Variants in PTPRM observed in about 807,000 individuals in gnomAD.
PTPRM encodes the protein receptor-type tyrosine-protein phosphatase mu.
A neutral mutation model predicts 186.7 loss-of-function variants in PTPRM; 47 were observed. The observed-to-expected ratio is 0.25, with a 90% CI of 0.20 to 0.32. PTPRM has a LOEUF of 0.32. PTPRM is among the 10% of genes least tolerant of loss of function. The pLI is 1.00. For missense variants in PTPRM, 1,494 were observed against 1,865.0 expected (o/e 0.80, Z 3.66); for synonymous variants, 668 against 674.9 (o/e 0.99, Z 0.16).
chr18:8,139,696 C>T (rs2146064611), intron 13 of PTPRM, among the ~76,000 whole-genome samples: 1 of 152,240 alleles, frequency 6.6e-6, no homozygotes, highest in South Asian at 2.1e-4. Context: ...GTCACTCTCC[C>T]ACTCCCTTTC....
intron 20 of PTPRM, among the ~76,000 whole-genome samples, chr18:8,297,735 G>T (rs1437859743): frequency 6.6e-6 from 1 of 152,176 alleles, no homozygotes; most frequent in East Asian, 1.9e-4. Flanking sequence ...GGGTAGAGTG[G>T]AGCTTACATA....
chr18:8,191,077 T>G (rs150559635), intron 14 of PTPRM, among the ~76,000 whole-genome samples: 31 of 152,224 alleles, frequency 2.0e-4, no homozygotes, highest in African/African-American at 7.0e-4. Context: ...AAGAAGGGGT[T>G]GGAGGAATGG....
chr18:7,702,375 T>C (rs1362531622), intron 1 of PTPRM, among the ~76,000 whole-genome samples: 1 of 152,218 alleles, frequency 6.6e-6, no homozygotes, highest in Non-Finnish European at 1.5e-5. Flanking sequence ...TTTTTAATGA[T>C]AGCCATTCTA....
chr18:7,661,349 G>A (rs1380846022), intron 1 of PTPRM, among the ~76,000 whole-genome samples: 1 of 152,190 alleles, frequency 6.6e-6, no homozygotes, highest in African/African-American at 2.4e-5. Flanking sequence ...TTTGTTTCTT[G>A]TGTCAGCTGC....
At position 7,989,919 on chromosome 18, in the gene PTPRM, C is replaced by G. The variant is rs141133304; in HGVS notation, c.1132+34505C>G. 4.3e-4 allele frequency among the ~76,000 whole-genome samples: 66 copies of G among 152,024 alleles called. 1 individual carries two copies. In the East Asian group the frequency reaches 6.8e-3, roughly 16 times the overall value. ...TTTCTTCCTTCTTCTTCTTTTTATTCTTTTGAGACAGTCTTGCTCTGTTGC... is the reference window on the plus strand; with the variant it reads ...TTTCTTCCTTCTTCTTCTTTTTATTGTTTTGAGACAGTCTTGCTCTGTTGC... On this transcript the variant is annotated intron_variant, in intron 7 of 32. Coordinates refer to ENST00000580170, the MANE Select transcript of PTPRM (RefSeq NM_001105244.2).
At chr18:7,806,541 A>T (rs1016764283) in intron 2 of PTPRM, among the ~76,000 whole-genome samples, 3 of 152,188 alleles carry the variant, frequency 2.0e-5, no homozygotes, top group African/African-American at 7.2e-5. Context: ...ATTTTAAAAA[A>T]TCAATTGACT....
intron 13 of PTPRM, among the ~76,000 whole-genome samples, chr18:8,123,270 C>T (rs1336375771): frequency 6.6e-6 from 1 of 152,086 alleles, no homozygotes. Context: ...AAGTAAGAAG[C>T]AGAAACTACT....
At chr18:7,997,845 T>A (rs2083633350) in intron 7 of PTPRM, among the ~76,000 whole-genome samples, 1 of 152,188 alleles carries the variant, frequency 6.6e-6, no homozygotes, top group South Asian at 2.1e-4. Flanking sequence ...TTCATCACAG[T>A]TAATGTGGCT....
intron 7 of PTPRM, among the ~76,000 whole-genome samples, chr18:7,989,293 T>A (rs2083135960): frequency 6.6e-6 from 1 of 152,122 alleles, no homozygotes; most frequent in Non-Finnish European, 1.5e-5. Flanking sequence ...GGGCAGTATA[T>A]CAGAGGCTTG....
chr18:7,675,686 G>A (rs544918293), intron 1 of PTPRM, among the ~76,000 whole-genome samples: 70 of 151,906 alleles, frequency 4.6e-4, no homozygotes, highest in African/African-American at 1.5e-3. Flanking sequence ...ATTCGGCATC[G>A]TAGTAAACTT....
intron 14 of PTPRM, among the ~76,000 whole-genome samples, chr18:8,234,860 A>G (rs1336463643): frequency 6.6e-6 from 1 of 152,042 alleles, no homozygotes; most frequent in African/African-American, 2.4e-5. Flanking sequence ...CTTTTCTTCC[A>G]TAGCCTGTCA....
chr18:7,616,901 C>T (rs1310766669), intron 1 of PTPRM, among the ~76,000 whole-genome samples: 1 of 152,122 alleles, frequency 6.6e-6, no homozygotes, highest in Admixed American at 6.5e-5. Flanking sequence ...CCAGGATGTG[C>T]TTCCTTAGTG....
chr18:8,406,229 G>T lies in PTPRM; in HGVS notation c.*67G>T. 2 of 1,454,538 alleles carry T rather than the reference G, an allele frequency of 1.4e-6. No homozygotes were observed. The highest frequency in any genetic ancestry group is 1.9e-6 in the Non-Finnish European group (2 of 1,049,200). 90.1% of individuals were successfully genotyped at this position (1,454,538 alleles called of 1,614,324 possible). A position where few individuals can be genotyped will look rare whatever the true frequency, so the allele number is the denominator to read the frequency against. ...AGCCAAGACGTTCCATGGTATTTGTGCAAAAGAGATGAAGACTTCTCAATA... is the reference window on the plus strand; with the variant it reads ...AGCCAAGACGTTCCATGGTATTTGTTCAAAAGAGATGAAGACTTCTCAATA... On this transcript the variant is annotated 3_prime_UTR_variant, in exon 33 of 33. Transcript: ENST00000580170.
At chr18:7,691,243 A>G (rs1479586470) in intron 1 of PTPRM, among the ~76,000 whole-genome samples, 2 of 152,228 alleles carry the variant, frequency 1.3e-5, no homozygotes, top group African/African-American at 4.8e-5. Flanking sequence ...TATGTTGAAC[A>G]TATGGGAACA....
chr18:7,799,429 G>A (rs1255102179), intron 2 of PTPRM, among the ~76,000 whole-genome samples: 1 of 152,126 alleles, frequency 6.6e-6, no homozygotes, highest in Non-Finnish European at 1.5e-5. Flanking sequence ...GCATTTCCAT[G>A]TGAACCTTAA....
At chr18:7,932,392 A>C (rs2051542676) in intron 5 of PTPRM, among the ~76,000 whole-genome samples, 1 of 152,226 alleles carries the variant, frequency 6.6e-6, no homozygotes, top group East Asian at 1.9e-4. Context: ...AATTTTATTG[A>C]CGAGAAAACA....
chr18:7,625,191 A>G (rs540257875), intron 1 of PTPRM, among the ~76,000 whole-genome samples: 8 of 152,346 alleles, frequency 5.3e-5, no homozygotes, highest in African/African-American at 1.7e-4. Context: ...TTAAGCAGGC[A>G]TCAGAATGTC....
rs568314737 is a variant in PTPRM, at chr18:7,668,007, G to A, written c.73+100116G>A. ...GGTAATCGAAGGGCAGTCCACCTAC[G>A]TGCCACAAGTTCTGAGTAAATGTGG... is the stretch of plus-strand genomic sequence containing the variant. On this transcript the variant is annotated intron_variant, in intron 1 of 32. Coordinates refer to ENST00000580170, the MANE Select transcript of PTPRM (RefSeq NM_001105244.2). The surrounding 1 kb of genome is among the most constrained non-coding windows in gnomAD (Gnocchi z 4.7). Among the ~76,000 whole-genome samples, 25 of 152,066 alleles carry A rather than the reference G, an allele frequency of 1.6e-4. No individual in the cohort carries two copies. The highest frequency in any genetic ancestry group is 5.5e-4 in the African/African-American group (23 of 41,482).
chr18:8,265,296 G>T (rs2094687064), intron 19 of PTPRM, among the ~76,000 whole-genome samples: 1 of 152,180 alleles, frequency 6.6e-6, no homozygotes, highest in Non-Finnish European at 1.5e-5. Context: ...ATTGTCTGAG[G>T]AATGCAGGAA....
Sources: allele counts gnomAD v4.1 joint callset (sites outside exome capture counted in the v4.1 genomes callset), GRCh38; gene constraint gnomAD v4.1.1; non-coding constraint Gnocchi (gnomAD v3.1); transcripts MANE v1.5; gene names NCBI Gene and HGNC (gene_info 2026-07-23, HGNC 2026-07-21).